The following YIPF5 variants were observed in gnomAD, a reference collection of about 807,000 sequenced individuals.
The protein encoded by YIPF5 is protein YIPF5.
In YIPF5, 8 loss-of-function variants were observed where a neutral mutation model predicts 30.4. That is an observed-to-expected ratio of 0.26 (90% CI 0.15 to 0.47). The LOEUF is 0.47. Ranked by LOEUF, YIPF5 falls within the 20% of genes least tolerant of loss-of-function variation. YIPF5 has a pLI of 0.99. For synonymous variants in YIPF5, 104 were observed against 107.9 expected (o/e 0.96, Z 0.23); for missense variants, 282 against 301.8 (o/e 0.93, Z 0.49).
chr5:144,163,862 ATT>A (rs546966645), intron 4 of YIPF5: 24 of 301,088 alleles, frequency 8.0e-5, no homozygotes, highest in African/African-American at 1.3e-4. Flanking sequence ...GTTGTTTACT[ATT>A]TTTTTTTTGT....
chr5:144,166,600 A>G (rs1456384851), intron 2 of YIPF5, among the ~76,000 whole-genome samples: 1 of 152,164 alleles, frequency 6.6e-6, no homozygotes, highest in Admixed American at 6.5e-5. Context: ...CGTTTTTGAG[A>G]AAATATCTGC....
rs1458383138 is a variant in YIPF5 at position 144,159,987 on chromosome 5, C to T, written c.*410G>A. 26 of 987,034 alleles carry T rather than the reference C, an allele frequency of 2.6e-5. No homozygotes were observed. Among genetic ancestry groups the T allele is most frequent in the African/African-American group, 3.5e-5 (2 of 57,218 alleles). 61.1% of individuals were successfully genotyped at this position (987,034 alleles called of 1,614,324 possible). On this transcript the variant is annotated 3_prime_UTR_variant, in exon 6 of 6. Transcript: ENST00000274496. ...CCTCCCAAAGTGCTGGGATTACAGGCGTGAGCTACCACGCCCGGCCGTCTT... is the reference window on the plus strand; with the variant it reads ...CCTCCCAAAGTGCTGGGATTACAGGTGTGAGCTACCACGCCCGGCCGTCTT...
At chr5:144,167,828 C>T (rs1209186277) in intron 2 of YIPF5, among the ~76,000 whole-genome samples, 1 of 152,184 alleles carries the variant, frequency 6.6e-6, no homozygotes, top group African/African-American at 2.4e-5. Context: ...CCTAGATTTT[C>T]ACCAATGGAG....
Position 144,159,136 on chromosome 5 carries a change from T to C in YIPF5, c.*1261A>G. 1 of 984,390 alleles carries C rather than the reference T, an allele frequency of 1.0e-6. No homozygotes were observed. The highest frequency in any genetic ancestry group is 1.2e-6 in the Non-Finnish European group (1 of 829,030). 61.0% of individuals were successfully genotyped at this position (984,390 alleles called of 1,614,324 possible). On this transcript the variant is annotated 3_prime_UTR_variant, in exon 6 of 6. Coordinates refer to ENST00000274496, the MANE Select transcript of YIPF5 (RefSeq NM_030799.9). The stretch of plus-strand genomic sequence containing the variant: ...AATGTAACTCAAACTGCTCATTTAA[T>C]CCCCTTTTTGTCTGATTCTATATTA...
At chr5:144,166,257 T>TTA (rs1752200615) in intron 2 of YIPF5, among the ~76,000 whole-genome samples, 1 of 152,196 alleles carries the variant, frequency 6.6e-6, no homozygotes, top group Admixed American at 6.5e-5. Context: ...TTCAAAGTAG[T>TTA]TATACACTTA....
Position 144,169,932 on chromosome 5 carries a change from G to C in YIPF5, c.24C>G (p.Asn8Lys), listed in dbSNP as rs140450932. The change falls in exon 2 of 6, where the codon AAC (asparagine) becomes AAG (lysine). Residue 8 changes from asparagine (N) to lysine (K), a missense_variant. Coordinates refer to ENST00000274496, the MANE Select transcript of YIPF5 (RefSeq NM_030799.9). Reference protein sequence around the residue: MSGFENLNTDFYQTSYSI... With the variant: MSGFENLKTDFYQTSYSI... The stretch of plus-strand genomic sequence containing the variant: ...TGTAACTTGTCTGGTAGAAATCCGT[G>C]TTTAAGTTTTCAAAGCCTGACATTG... The C allele has an allele frequency of 1.1e-3, 1,771 of 1,614,166 alleles. 2 individuals are homozygous for C. The highest frequency in any genetic ancestry group is 1.4e-3 in the Non-Finnish European group (1,693 of 1,180,014).
intron 3 of YIPF5, 126 bp from the exon 4 acceptor site, chr5:144,164,382 T>C (rs927494543): frequency 1.4e-6 from 1 of 739,106 alleles, no homozygotes; most frequent in African/African-American, 1.8e-5. Flanking sequence ...TATTGGATGA[T>C]ATTATTATTA....
intron 4 of YIPF5, 89 bp downstream of exon 4, chr5:144,164,022 G>C: frequency 6.6e-7 from 1 of 1,515,488 alleles, no homozygotes; most frequent in Non-Finnish European, 9.0e-7. Flanking sequence ...GAGGTGTAAA[G>C]CGGAGTTTCA....
At chr5:144,160,905 C>T (rs896224458) in intron 5 of YIPF5, among the ~76,000 whole-genome samples, 1 of 152,064 alleles carries the variant, frequency 6.6e-6, no homozygotes, top group African/African-American at 2.4e-5. Context: ...CAGCAGCATC[C>T]CTGGCCTCTG....
rs1439404666 is a variant in YIPF5, at chr5:144,159,048, TAC to T, written c.*1347_*1348del. 4.1e-6 allele frequency: 4 copies of T among 984,254 alleles called. No homozygotes were observed. The African/African-American group carries it at 7.0e-5, about 17-fold the overall frequency. The allele number at this position is 984,254 out of a possible 1,614,324, so 61.0% of individuals were successfully genotyped here. A position where few individuals can be genotyped will look rare whatever the true frequency, so the allele number is the denominator to read the frequency against. Reference sequence around the variant, plus strand: ...CAGTATACAAGATACAGTATTTTCCTACAGATTCTCTCTGGCAAGAGAACATG... The same window carrying T: ...CAGTATACAAGATACAGTATTTTCCTAGATTCTCTCTGGCAAGAGAACATG... On this transcript the variant is annotated 3_prime_UTR_variant, in exon 6 of 6. Transcript: ENST00000274496.
At chr5:144,169,730 G>C in intron 2 of YIPF5, 116 bp downstream of exon 2, 2 of 830,370 alleles carry the variant, frequency 2.4e-6, no homozygotes, top group South Asian at 1.7e-5. Flanking sequence ...ATGCATGAAA[G>C]ATCATACTCC....
intron 4 of YIPF5, among the ~76,000 whole-genome samples, chr5:144,163,508 A>T (rs565900448): frequency 6.6e-6 from 1 of 152,326 alleles, no homozygotes; most frequent in African/African-American, 2.4e-5. Flanking sequence ...CCAAAGGCTG[A>T]TCAGGAGCAC....
At position 144,159,897 on chromosome 5, in the gene YIPF5, T is replaced by A. The variant is rs1440452145; in HGVS notation, c.*500A>T. On this transcript the variant is annotated 3_prime_UTR_variant, in exon 6 of 6. Transcript: ENST00000274496. Reference sequence around the variant, plus strand: ...AATTTTTTTTGTAGTTTTAGTAGAGTCGGGGTTTCACCGTGTTAACCAGGA... The same window carrying A: ...AATTTTTTTTGTAGTTTTAGTAGAGACGGGGTTTCACCGTGTTAACCAGGA... The A allele has an allele frequency of 8.5e-5, 58 of 683,468 alleles. 1 individual carries two copies. The African/African-American group carries it at 1.1e-3, about 13-fold the overall frequency. The allele number at this position is 683,468 out of a possible 1,614,324, so 42.3% of individuals were successfully genotyped here. A position where few individuals can be genotyped will look rare whatever the true frequency, so the allele number is the denominator to read the frequency against.
rs1173925359 is a variant in YIPF5, at chr5:144,160,572, AG to A, written c.612-14del. 6.2e-7 allele frequency: 1 copy of A among 1,602,032 alleles called. No homozygotes were observed. Among genetic ancestry groups the A allele is most frequent in the Admixed American group, 1.7e-5 (1 of 58,454 alleles). On this transcript the variant is annotated splice_polypyrimidine_tract_variant and intron_variant, in intron 5 of 5. Transcript: ENST00000274496. ...TCCTACCATTCCTCTGTAAACAACA[AG>A]GAAAAAGGGGGGAGAAGAAAAAAAA...
At position 144,159,760 on chromosome 5, in the gene YIPF5, G is replaced by A. The variant is rs1378465850; in HGVS notation, c.*637C>T. ...CACCCTGTCACCCAGGCTGGATGGA[G>A]TGCAGTGGTGTGATCTCGGCTCACT... On this transcript the variant is annotated 3_prime_UTR_variant, in exon 6 of 6. Coordinates refer to ENST00000274496, the MANE Select transcript of YIPF5 (RefSeq NM_030799.9). 2 of 843,104 alleles carry A rather than the reference G, an allele frequency of 2.4e-6. No individual in the cohort carries two copies. Among genetic ancestry groups the A allele is most frequent in the South Asian group, 1.1e-4 (2 of 18,272 alleles). The allele number at this position is 843,104 out of a possible 1,614,324, so 52.2% of individuals were successfully genotyped here.
rs184461504 is a variant in YIPF5 at position 144,160,357 on chromosome 5, G to A, written c.*40C>T. On this transcript the variant is annotated 3_prime_UTR_variant, in exon 6 of 6. Coordinates refer to ENST00000274496, the MANE Select transcript of YIPF5 (RefSeq NM_030799.9). Reference sequence around the variant, plus strand: ...AATTTAAGAGTTCAAGGTCCTTTTTGTACATCTGGCCCACTGATGTCCACA... The same window carrying A: ...AATTTAAGAGTTCAAGGTCCTTTTTATACATCTGGCCCACTGATGTCCACA... 2.5e-5 allele frequency: 40 copies of A among 1,583,830 alleles called. 1 individual carries two copies. In the African/African-American group the frequency reaches 4.5e-4, roughly 18 times the overall value.
At chr5:144,163,924 A>G in intron 4 of YIPF5, 187 bp downstream of exon 4, 1 of 516,278 alleles carries the variant, frequency 1.9e-6, no homozygotes, top group Non-Finnish European at 3.0e-6. Context: ...ATGATTTTTA[A>G]AACATGCTAC....
At position 144,159,048 on chromosome 5, in the gene YIPF5, T is replaced by C. The variant is rs979050013; in HGVS notation, c.*1349A>G. Reference sequence around the variant, plus strand: ...CAGTATACAAGATACAGTATTTTCCTACAGATTCTCTCTGGCAAGAGAACA... The same window carrying C: ...CAGTATACAAGATACAGTATTTTCCCACAGATTCTCTCTGGCAAGAGAACA... On this transcript the variant is annotated 3_prime_UTR_variant, in exon 6 of 6. Coordinates refer to ENST00000274496, the MANE Select transcript of YIPF5 (RefSeq NM_030799.9). 4 of 984,370 alleles carry C rather than the reference T, an allele frequency of 4.1e-6. No individual in the cohort carries two copies. In the African/African-American group the frequency reaches 5.2e-5, roughly 13 times the overall value. The allele number at this position is 984,370 out of a possible 1,614,324, so 61.0% of individuals were successfully genotyped here. A position where few individuals can be genotyped will look rare whatever the true frequency, so the allele number is the denominator to read the frequency against.
At position 144,158,189 on chromosome 5, in the gene YIPF5, A is replaced by T; in HGVS notation, c.*2208T>A. ...TTTGAGACACAGTACAACAGTCTTT[A>T]ATGTATATATAAATATGCCTACATA... is the stretch of plus-strand genomic sequence containing the variant. On this transcript the variant is annotated 3_prime_UTR_variant, in exon 6 of 6. Transcript: ENST00000274496. 3.6e-6 allele frequency: 1 copy of T among 275,908 alleles called. No individual in the cohort carries two copies. Among genetic ancestry groups the T allele is most frequent in the Non-Finnish European group, 6.9e-6 (1 of 145,944 alleles). The allele number at this position is 275,908 out of a possible 1,614,324, so 17.1% of individuals were successfully genotyped here.
Sources: allele counts gnomAD v4.1 joint callset (sites outside exome capture counted in the v4.1 genomes callset), GRCh38; gene constraint gnomAD v4.1.1; transcripts MANE v1.5; gene names NCBI Gene and HGNC (gene_info 2026-07-23, HGNC 2026-07-21).